The following HLCS variants were observed in gnomAD, a reference collection of about 807,000 sequenced individuals.
The protein encoded by HLCS is holocarboxylase synthetase.
A neutral mutation model predicts 75.0 loss-of-function variants in HLCS; 53 were observed. The ratio of observed to expected loss-of-function variants is 0.71; its 90% CI spans 0.57 to 0.89. The LOEUF is 0.89. HLCS is among the 40% of genes least tolerant of loss of function. HLCS has a pLI of 0.00. For missense variants in HLCS, 966 were observed against 1,074.0 expected (o/e 0.90, Z 1.41); for synonymous variants, 431 against 428.6 (o/e 1.01, Z -0.07).
chr21:36,834,643 C>T (rs1316075761), intron 6 of HLCS, among the ~76,000 whole-genome samples: 4 of 152,212 alleles, frequency 2.6e-5, no homozygotes, highest in Admixed American at 2.6e-4. Context: ...GCAACCTCTG[C>T]CTCCTGGGTT....
chr21:36,933,665 C>A (rs563142344), intron 4 of HLCS, among the ~76,000 whole-genome samples: 1 of 151,102 alleles, frequency 6.6e-6, no homozygotes, highest in Non-Finnish European at 1.5e-5. Context: ...AACAGCATAG[C>A]GGCGAGACCC....
At chr21:36,852,347 A>G (rs2835497) in intron 6 of HLCS, among the ~76,000 whole-genome samples, 72,632 of 151,802 alleles carry the variant, frequency 0.48, 18,552 homozygotes, top group African/African-American at 0.66. Context: ...GAACATTACC[A>G]TGGAGCCCCT....
chr21:36,896,940 G>A lies in HLCS; in HGVS notation c.1812C>T (p.Arg604=). The change falls in exon 6 of 11, where the codon CGC becomes CGT. Residue 604 remains arginine (R), a synonymous_variant. Coordinates refer to ENST00000674895, the MANE Select transcript of HLCS (RefSeq NM_001352514.2). ...CCAACTGCTTGGTCTGCAGATTTTG[G>A]CGATAGATCTCTAAGTTGAAATGTT... is the stretch of plus-strand genomic sequence containing the variant. The part of the protein sequence containing the change: ...SSEHFNLEIY[R]QNLQTKQLGK... 1 of 1,614,106 alleles carries A rather than the reference G, an allele frequency of 6.2e-7. No homozygotes were observed. Among genetic ancestry groups the A allele is most frequent in the Non-Finnish European group, 8.5e-7 (1 of 1,180,028 alleles).
intron 2 of HLCS, among the ~76,000 whole-genome samples, chr21:36,959,111 T>C (rs1010146668): frequency 3.9e-5 from 6 of 152,210 alleles, no homozygotes; most frequent in African/African-American, 1.4e-4. Flanking sequence ...GCTGCGGACC[T>C]GGGCATCCCT....
intron 6 of HLCS, among the ~76,000 whole-genome samples, chr21:36,775,190 T>TA (rs1410397196): frequency 6.6e-6 from 1 of 152,220 alleles, no homozygotes; most frequent in Non-Finnish European, 1.5e-5. Flanking sequence ...CTGCCCTTCT[T>TA]ACGTTTTTGG....
Position 36,949,490 on chromosome 21 carries a change from G to A in HLCS, c.331-10496C>T, listed in dbSNP as rs150179405. Among the ~76,000 whole-genome samples the A allele has an allele frequency of 5.3e-5, 8 of 152,328 alleles. No homozygotes were observed. In the East Asian group the frequency reaches 1.5e-3, roughly 29 times the overall value. ...GGCATGTTCCAAAAGCCCAGATGGA[G>A]GCTCCAAGGTTTCTCATGATCTGGC... On this transcript the variant is annotated intron_variant, in intron 2 of 10. Transcript: ENST00000674895.
At chr21:36,793,276 C>T (rs2060925554) in intron 6 of HLCS, among the ~76,000 whole-genome samples, 2 of 145,578 alleles carry the variant, frequency 1.4e-5, no homozygotes, top group South Asian at 4.3e-4. Context: ...TCGGAGAACA[C>T]GGGACAGCAG....
chr21:36,909,770 C>T (rs2065622647), intron 5 of HLCS, among the ~76,000 whole-genome samples: 1 of 152,114 alleles, frequency 6.6e-6, no homozygotes, highest in Non-Finnish European at 1.5e-5. Flanking sequence ...GGTTCCACCC[C>T]TGTTACTTGT....
chr21:36,817,829 T>C (rs1056166393), intron 6 of HLCS, among the ~76,000 whole-genome samples: 2 of 152,336 alleles, frequency 1.3e-5, no homozygotes, highest in Non-Finnish European at 2.9e-5. Flanking sequence ...CAAGCTAAAC[T>C]TAATTAGTCC....
At chr21:36,882,568 G>C (rs2064270160) in intron 6 of HLCS, among the ~76,000 whole-genome samples, 2 of 150,862 alleles carry the variant, frequency 1.3e-5, no homozygotes, top group Admixed American at 1.3e-4. Context: ...AGCCTCCTGA[G>C]TAGCTGGGAC....
chr21:36,966,428 C>T lies in HLCS; in HGVS notation c.195+16G>A. The T allele has an allele frequency of 6.0e-5, 24 of 397,320 alleles. No individual in the cohort carries two copies. The highest frequency in any genetic ancestry group is 7.1e-5 in the Non-Finnish European group (21 of 293,746). The allele number at this position is 397,320 out of a possible 1,614,324, so 24.6% of individuals were successfully genotyped here. ...GCTCGCGGGGCCCGGGTCGCCCGCC[C>T]GCCCGACCCGCCCACCTGGCTGTCG... is the stretch of plus-strand genomic sequence containing the variant. On this transcript the variant is annotated intron_variant, in intron 1 of 10. Transcript: ENST00000674895.
intron 1 of HLCS, among the ~76,000 whole-genome samples, chr21:36,981,857 A>G (rs2069128254): frequency 1.3e-5 from 2 of 152,134 alleles, no homozygotes; most frequent in Non-Finnish European, 2.9e-5. Context: ...GAATGGGGGA[A>G]TTCTTTAATC....
chr21:36,821,835 C>T (rs1028730531), intron 6 of HLCS, among the ~76,000 whole-genome samples: 4 of 151,950 alleles, frequency 2.6e-5, no homozygotes, highest in East Asian at 1.9e-4. Context: ...GAATTTTAAA[C>T]GCACGCCTTT....
chr21:36,772,268 A>G (rs569962994), intron 6 of HLCS, among the ~76,000 whole-genome samples: 15 of 152,246 alleles, frequency 9.9e-5, no homozygotes, highest in African/African-American at 2.4e-5. Context: ...TAGACATTAT[A>G]TTGTTAAAAA....
intron 6 of HLCS, among the ~76,000 whole-genome samples, chr21:36,812,286 C>G (rs927429808): frequency 6.6e-6 from 1 of 152,300 alleles, no homozygotes; most frequent in South Asian, 2.1e-4. Flanking sequence ...CAACAAATCT[C>G]AAGGAGAGGG....
intron 5 of HLCS, among the ~76,000 whole-genome samples, chr21:36,912,420 T>A (rs894338454): frequency 6.6e-6 from 1 of 152,150 alleles, no homozygotes; most frequent in Admixed American, 6.5e-5. Context: ...ATGTCACTTG[T>A]ATGAAATATC....
At chr21:36,811,852 G>A (rs953699818) in intron 6 of HLCS, among the ~76,000 whole-genome samples, 17 of 152,304 alleles carry the variant, frequency 1.1e-4, no homozygotes, top group Non-Finnish European at 2.2e-4. Flanking sequence ...GACTGGCAGC[G>A]GGGGCTGCAG....
At chr21:36,947,689 G>C in intron 2 of HLCS, 1 of 985,430 alleles carries the variant, frequency 1.0e-6, no homozygotes, top group Non-Finnish European at 1.2e-6. Flanking sequence ...TATGGCAGCA[G>C]GCAAGGCATA....
intron 6 of HLCS, among the ~76,000 whole-genome samples, chr21:36,875,903 C>T (rs1003605844): frequency 6.6e-6 from 1 of 152,234 alleles, no homozygotes; most frequent in African/African-American, 2.4e-5. Context: ...GTGACACCCT[C>T]TTTGGGGCTC....
Sources: gnomAD v4.1 joint callset for allele counts (sites outside exome capture counted in the v4.1 genomes callset) on GRCh38, gnomAD v4.1.1 for gene constraint, MANE v1.5 for transcripts, NCBI Gene and HGNC (gene_info 2026-07-23, HGNC 2026-07-21) for gene names.